LRRC4C: variants seen among roughly 807,000 people sequenced by gnomAD.
LRRC4C encodes the protein leucine-rich repeat-containing protein 4C.
A neutral mutation model predicts 33.6 loss-of-function variants in LRRC4C; 5 were observed. The observed-to-expected ratio is 0.15, with a 90% CI of 0.08 to 0.31. The LOEUF (loss-of-function observed/expected upper bound fraction) is 0.31, where lower values mean the gene tolerates loss of function less well. LRRC4C is among the 10% of genes least tolerant of loss of function. The pLI is 1.00. For missense variants in LRRC4C, 560 were observed against 796.7 expected (o/e 0.70, Z 3.58); for synonymous variants, 329 against 302.0 (o/e 1.09, Z -0.93).
At chr11:40,526,690 T>A (rs1956064940) in intron 3 of LRRC4C, among the ~76,000 whole-genome samples, 2 of 152,162 alleles carry the variant, frequency 1.3e-5, no homozygotes, top group African/African-American at 4.8e-5. Flanking sequence ...TATCTAGGTA[T>A]AAGCCCTATT....
intron 2 of LRRC4C, among the ~76,000 whole-genome samples, chr11:40,761,902 A>C (rs187678916): frequency 2.8e-4 from 42 of 152,228 alleles, no homozygotes; most frequent in Non-Finnish European, 2.6e-4. Context: ...TGGTAGGAGA[A>C]GGCGCTCAGA....
At chr11:40,595,493 T>C (rs948722958) in intron 3 of LRRC4C, among the ~76,000 whole-genome samples, 2 of 152,042 alleles carry the variant, frequency 1.3e-5, no homozygotes, top group Non-Finnish European at 1.5e-5. Context: ...AACCAGCATG[T>C]ACACATTTCT....
intron 2 of LRRC4C, among the ~76,000 whole-genome samples, chr11:40,817,008 C>T (rs767097901): frequency 3.9e-5 from 6 of 152,060 alleles, no homozygotes; most frequent in Admixed American, 2.6e-4. Flanking sequence ...CTTTTTCCAT[C>T]GGAGCCTTGT....
chr11:40,587,884 T>C (rs1309556614), intron 3 of LRRC4C, among the ~76,000 whole-genome samples: 1 of 152,198 alleles, frequency 6.6e-6, no homozygotes, highest in Admixed American at 6.5e-5. Context: ...TTGCCACTAT[T>C]TTATTGAGGA....
At chr11:41,439,937 TTCAG>T (rs1955560055) in intron 1 of LRRC4C, among the ~76,000 whole-genome samples, 1 of 152,222 alleles carries the variant, frequency 6.6e-6, no homozygotes, top group Admixed American at 6.5e-5. Flanking sequence ...ACTTCTCTCA[TTCAG>T]TAAGTTGTAT....
intron 3 of LRRC4C, among the ~76,000 whole-genome samples, chr11:40,643,151 A>C (rs1942225492): frequency 6.6e-6 from 1 of 152,182 alleles, no homozygotes; most frequent in African/African-American, 2.4e-5. Flanking sequence ...AGAGATCAGA[A>C]ACCCAGAAAT....
At chr11:40,241,085 A>G (rs1865897471) in intron 5 of LRRC4C, among the ~76,000 whole-genome samples, 2 of 152,192 alleles carry the variant, frequency 1.3e-5, no homozygotes, top group Non-Finnish European at 2.9e-5. Flanking sequence ...ACAGGTGTCT[A>G]AAATTTAAAA....
At chr11:41,373,321 C>T (rs1952821549) in intron 1 of LRRC4C, among the ~76,000 whole-genome samples, 1 of 152,112 alleles carries the variant, frequency 6.6e-6, no homozygotes, top group Admixed American at 6.5e-5. Context: ...TATACCCACA[C>T]ACAGACATGC....
At chr11:41,203,595 G>A (rs1353923619) in intron 1 of LRRC4C, among the ~76,000 whole-genome samples, 1 of 152,144 alleles carries the variant, frequency 6.6e-6, no homozygotes, top group African/African-American at 2.4e-5. Flanking sequence ...GATTATAGTG[G>A]TTAAATATAA....
chr11:40,946,449 C>T (rs893893530), intron 1 of LRRC4C, among the ~76,000 whole-genome samples: 7 of 151,842 alleles, frequency 4.6e-5, no homozygotes, highest in Non-Finnish European at 1.0e-4. Flanking sequence ...GGATATATAC[C>T]CAGTAATGGG....
At chr11:41,362,448 T>C (rs1240898531) in intron 1 of LRRC4C, among the ~76,000 whole-genome samples, 1 of 152,152 alleles carries the variant, frequency 6.6e-6, no homozygotes, top group African/African-American at 2.4e-5. Flanking sequence ...ATGGAGTACC[T>C]GAAAGTCTCT....
intron 1 of LRRC4C, among the ~76,000 whole-genome samples, chr11:41,326,635 T>A (rs1199713328): frequency 6.6e-6 from 1 of 151,652 alleles, no homozygotes; most frequent in Non-Finnish European, 1.5e-5. Context: ...AGATCTGATA[T>A]AGAAGTGTTT....
chr11:41,083,174 G>A (rs1431655047), intron 1 of LRRC4C, among the ~76,000 whole-genome samples: 1 of 151,946 alleles, frequency 6.6e-6, no homozygotes, highest in Non-Finnish European at 1.5e-5. Flanking sequence ...TTGAAGATTT[G>A]ACAAAATATG....
At chr11:40,352,571 A>G (rs556448977) in intron 3 of LRRC4C, among the ~76,000 whole-genome samples, 62 of 152,160 alleles carry the variant, frequency 4.1e-4, no homozygotes, top group African/African-American at 1.5e-3. Context: ...TGTGGTTATT[A>G]GTTTTGATAG....
chr11:40,798,065 G>T (rs1387024579), intron 2 of LRRC4C, among the ~76,000 whole-genome samples: 1 of 152,106 alleles, frequency 6.6e-6, no homozygotes, highest in Non-Finnish European at 1.5e-5. Context: ...GCAGCTCTTT[G>T]CTCCTACATA....
chr11:41,062,392 G>A (rs1937849423), intron 1 of LRRC4C, among the ~76,000 whole-genome samples: 1 of 152,184 alleles, frequency 6.6e-6, no homozygotes, highest in Admixed American at 6.5e-5. Flanking sequence ...AAATACACCT[G>A]TCATATGAGT....
intron 3 of LRRC4C, among the ~76,000 whole-genome samples, chr11:40,551,814 T>C (rs935830038): frequency 7.2e-5 from 11 of 152,222 alleles, no homozygotes; most frequent in Non-Finnish European, 5.9e-5. Flanking sequence ...TTTCTGATGG[T>C]TCATCATATG....
Position 40,501,067 on chromosome 11 carries a change from G to T in LRRC4C, c.-270+147075C>A, listed in dbSNP as rs530621228. Among the ~76,000 whole-genome samples, 4 of 152,262 alleles carry T rather than the reference G, an allele frequency of 2.6e-5. No individual in the cohort carries two copies. In the South Asian group the frequency reaches 6.2e-4, roughly 24 times the overall value. On this transcript the variant is annotated intron_variant, in intron 3 of 6. Coordinates refer to ENST00000528697, the MANE Select transcript of LRRC4C (RefSeq NM_001258419.2). ...CCATGCAAGTCTGAAATCCACTGGGGCAGTCAAATCTTAAAGTTCCAAAAT... is the reference window on the plus strand; with the variant it reads ...CCATGCAAGTCTGAAATCCACTGGGTCAGTCAAATCTTAAAGTTCCAAAAT...
chr11:40,351,740 TATCC>T (rs1374198741), intron 3 of LRRC4C: 2 of 144,820 alleles, frequency 1.4e-5, no homozygotes, highest in Non-Finnish European at 3.1e-5. Flanking sequence ...ACAATCATTA[TATCC>T]TCTTGCTGAT....
Sources: allele counts gnomAD v4.1 joint callset (sites outside exome capture counted in the v4.1 genomes callset), GRCh38; gene constraint gnomAD v4.1.1; transcripts MANE v1.5; gene names NCBI Gene and HGNC (gene_info 2026-07-23, HGNC 2026-07-21).